Variants in PRDM16 observed in about 807,000 individuals in gnomAD.
PRDM16 encodes the protein histone-lysine N-methyltransferase PRDM16.
A neutral mutation model predicts 110.6 loss-of-function variants in PRDM16; 23 were observed. That is an observed-to-expected ratio of 0.21 (90% CI 0.15 to 0.29). PRDM16 has a LOEUF of 0.29. Among genes scored for constraint, PRDM16 ranks in the 10% least tolerant of loss-of-function variants. The pLI is 1.00. For missense variants in PRDM16, 1,615 were observed against 1,794.3 expected, an observed-to-expected ratio of 0.90 and a Z score of 1.81; for synonymous variants, 799 against 781.8, an observed-to-expected ratio of 1.02 and a Z score of -0.37.
At chr1:3,089,308 C>T (rs1222644039) in intron 1 of PRDM16, among the ~76,000 whole-genome samples, 1 of 152,236 alleles carries the variant, frequency 6.6e-6, no homozygotes, top group Non-Finnish European at 1.5e-5. Context: ...GGCTGAGCCT[C>T]GTTTCTAAGA....
At chr1:3,112,853 G>A (rs1253886756) in intron 1 of PRDM16, among the ~76,000 whole-genome samples, 2 of 152,224 alleles carry the variant, frequency 1.3e-5, no homozygotes, top group African/African-American at 4.8e-5. Flanking sequence ...GGCCCGCCTG[G>A]GCTCCAGCCC....
In PRDM16 at chr1:3,146,275, G is replaced by GC. The variant is rs1356563038; in HGVS notation, c.38-39850_38-39849insC. Among the ~76,000 whole-genome samples, 19 of 152,326 alleles carry GC rather than the reference G, an allele frequency of 1.2e-4. 1 individual carries two copies. The East Asian group carries it at 3.5e-3, about 28-fold the overall frequency. ...CGCTGACTTCATCTGGGGTGGGGGG[G>GC]GCCTCCCCGCTAACAGCCACATTCT... is the stretch of plus-strand genomic sequence containing the variant. On this transcript the variant is annotated intron_variant, in intron 1 of 16. Transcript: ENST00000270722.
intron 1 of PRDM16, among the ~76,000 whole-genome samples, chr1:3,181,552 G>A (rs62653677): frequency 0.06 from 1,640 of 27,356 alleles, 612 homozygotes; most frequent in South Asian, 0.079. Context: ...TCTTACACAC[G>A]CAGTCTTACA....
intron 1 of PRDM16, among the ~76,000 whole-genome samples, chr1:3,146,794 G>T (rs1643670349): frequency 6.9e-6 from 1 of 145,392 alleles, no homozygotes. Flanking sequence ...TGCTCGGTGT[G>T]GGGTGTGTGT....
chr1:3,431,181 C>T (rs1638757569), intron 15 of PRDM16, 73 bp downstream of exon 15: 4 of 1,511,002 alleles, frequency 2.6e-6, no homozygotes, highest in East Asian at 2.5e-5. Flanking sequence ...GGACCTCCCT[C>T]TTCAGCCACT....
intron 3 of PRDM16, among the ~76,000 whole-genome samples, chr1:3,264,903 T>C (rs1490800699): frequency 6.6e-6 from 1 of 151,944 alleles, no homozygotes; most frequent in Non-Finnish European, 1.5e-5. Context: ...GATGGGCTCA[T>C]TGGCAGGGAT....
At chr1:3,187,069 GTGATCCTGC>G (rs762298730) in intron 2 of PRDM16, among the ~76,000 whole-genome samples, 9 of 152,240 alleles carry the variant, frequency 5.9e-5, no homozygotes, top group Non-Finnish European at 1.3e-4. Context: ...AGCTGGCCTG[GTGATCCTGC>G]TGCAGGGGTC....
intron 16 of PRDM16, 74 bp downstream of exon 16, chr1:3,432,214 C>A: frequency 7.2e-7 from 1 of 1,390,062 alleles, no homozygotes; most frequent in South Asian, 1.3e-5. Context: ...ACTCCTCTCC[C>A]GCCGTGGCCC....
At chr1:3,375,582 A>G (rs1265387826) in intron 3 of PRDM16, among the ~76,000 whole-genome samples, 1 of 152,214 alleles carries the variant, frequency 6.6e-6, no homozygotes, top group Non-Finnish European at 1.5e-5. Flanking sequence ...GTTTGGGGAC[A>G]TACCAGGAGC....
chr1:3,238,793 A>C (rs1639597019), intron 2 of PRDM16, among the ~76,000 whole-genome samples: 1 of 152,108 alleles, frequency 6.6e-6, no homozygotes, highest in Non-Finnish European at 1.5e-5. Flanking sequence ...CGAGGCATCC[A>C]CCCGGAGGCC....
At chr1:3,386,490 G>T (rs1009189642) in intron 4 of PRDM16, among the ~76,000 whole-genome samples, 11 of 152,298 alleles carry the variant, frequency 7.2e-5, no homozygotes, top group South Asian at 4.1e-4. Context: ...CAGTTGCTCC[G>T]CTGGACAAGC....
chr1:3,313,467 G>A (rs929711402), intron 3 of PRDM16, among the ~76,000 whole-genome samples: 1 of 152,098 alleles, frequency 6.6e-6, no homozygotes, highest in East Asian at 1.9e-4. Flanking sequence ...CAGTGTCCGA[G>A]GCTCTGCCGT....
rs1235083961 is a variant in PRDM16, at chr1:3,236,663, T to G, written c.388-7424T>G. ...GGGCTGCCCAGCCCTGCCCTCGGTG[T>G]GCACCACCTACTCAGGGTCCACTCA... On this transcript the variant is annotated intron_variant, in intron 2 of 16. Coordinates refer to ENST00000270722, the MANE Select transcript of PRDM16 (RefSeq NM_022114.4). 2.0e-5 allele frequency among the ~76,000 whole-genome samples: 3 copies of G among 152,302 alleles called. No individual in the cohort carries two copies. The East Asian group carries it at 5.8e-4, about 30-fold the overall frequency.
rs567591042 is a variant in PRDM16 at position 3,273,100 on chromosome 1, G to A, written c.438+28963G>A. 2.0e-5 allele frequency among the ~76,000 whole-genome samples: 3 copies of A among 152,368 alleles called. No homozygotes were observed. In the South Asian group the frequency reaches 6.2e-4, roughly 32 times the overall value. On this transcript the variant is annotated intron_variant, in intron 3 of 16. Coordinates refer to ENST00000270722, the MANE Select transcript of PRDM16 (RefSeq NM_022114.4). Reference sequence around the variant, plus strand: ...GAAGCTGGTGCAGAAAGCAGAGAGAGGAAGAAAGGCCCAGAAACAGGGAGG... The same window carrying A: ...GAAGCTGGTGCAGAAAGCAGAGAGAAGAAGAAAGGCCCAGAAACAGGGAGG...
At position 3,081,811 on chromosome 1, in the gene PRDM16, G is replaced by C. The variant is rs1642036204; in HGVS notation, c.37+12515G>C. 6.6e-6 allele frequency among the ~76,000 whole-genome samples: 1 copy of C among 151,954 alleles called. No individual in the cohort carries two copies. The highest frequency in any genetic ancestry group is 2.4e-5 in the African/African-American group (1 of 41,406). On this transcript the variant is annotated intron_variant, in intron 1 of 16. Transcript: ENST00000270722. The surrounding 1 kb of genome is among the most constrained non-coding windows in gnomAD (Gnocchi z 4.6). ...TTCCATGGGCAGCAGGGCAGCAAGG[G>C]AGACCACCTCCTTGCTGCCCTGACT...
chr1:3,137,651 C>T (rs1016944811), intron 1 of PRDM16, among the ~76,000 whole-genome samples: 2 of 152,240 alleles, frequency 1.3e-5, no homozygotes, highest in African/African-American at 4.8e-5. Flanking sequence ...GCTTCCTTCT[C>T]TGCGGCAAAC....
chr1:3,319,260 T>G (rs1352802231), intron 3 of PRDM16, among the ~76,000 whole-genome samples: 2 of 151,996 alleles, frequency 1.3e-5, no homozygotes, highest in South Asian at 2.1e-4. Context: ...GGGTCTAAAG[T>G]ATGGGATCCT....
intron 3 of PRDM16, among the ~76,000 whole-genome samples, chr1:3,274,871 C>T (rs984328857): frequency 3.3e-5 from 5 of 152,190 alleles, no homozygotes; most frequent in African/African-American, 2.4e-5. Flanking sequence ...GTGTGGGTCC[C>T]GGGTCCTGAG....
chr1:3,168,767 C>T (rs1442384449), intron 1 of PRDM16, among the ~76,000 whole-genome samples: 1 of 152,232 alleles, frequency 6.6e-6, no homozygotes. Flanking sequence ...GGCCACCTGC[C>T]ACCTGCCCGG....
Sources: allele counts gnomAD v4.1 joint callset (sites outside exome capture counted in the v4.1 genomes callset), GRCh38; gene constraint gnomAD v4.1.1; non-coding constraint Gnocchi (gnomAD v3.1); transcripts MANE v1.5; gene names NCBI Gene and HGNC (gene_info 2026-07-23, HGNC 2026-07-21).